Variants in PITPNC1 observed in about 807,000 individuals in gnomAD.
PITPNC1 encodes the protein cytoplasmic phosphatidylinositol transfer protein 1.
In PITPNC1, 18 loss-of-function variants were observed where a neutral mutation model predicts 44.7. That is an observed-to-expected ratio of 0.40 (90% confidence interval 0.28 to 0.60). The LOEUF (loss-of-function observed/expected upper bound fraction) is 0.60, where lower values mean the gene tolerates loss of function less well. Ranked by LOEUF, PITPNC1 falls within the 20% of genes least tolerant of loss-of-function variation. The probability of loss-of-function intolerance (pLI) is 0.39; values close to 1 mark genes in which losing one functional copy is unlikely to be tolerated. For synonymous variants in PITPNC1, 141 were observed against 149.6 expected (o/e 0.94, Z 0.42); for missense variants, 290 against 418.4 (o/e 0.69, Z 2.68).
rs1256034346 is a variant in PITPNC1, at chr17:67,442,209, A to ATATATATG, written c.48+64014_48+64015insGTATATAT. On this transcript the variant is annotated intron_variant, in intron 1 of 8. Transcript: ENST00000581322. ...CTGGATCAGGGGAAAATAAGCATAT[A>ATATATATG]TATATATATATATATATATATATAT... Among the ~76,000 whole-genome samples, 102 of 53,394 alleles carry ATATATATG rather than the reference A, an allele frequency of 1.9e-3. 1 individual carries two copies. Among genetic ancestry groups the ATATATATG allele is most frequent in the Non-Finnish European group, 2.6e-3 (75 of 29,062 alleles). 35.0% of individuals were successfully genotyped at this position (53,394 alleles called of 152,430 possible).
chr17:67,389,869 C>T (rs532243441), intron 1 of PITPNC1, among the ~76,000 whole-genome samples: 15 of 152,068 alleles, frequency 9.9e-5, no homozygotes, highest in South Asian at 6.2e-4. Context: ...TTAGTAGAGA[C>T]GGGGTTTCAC....
At chr17:67,638,202 C>T (rs148518059) in intron 6 of PITPNC1, 3 of 152,372 alleles carry the variant, frequency 2.0e-5, no homozygotes, top group East Asian at 3.9e-4. Context: ...CCTGCAGAGG[C>T]CACAGGCAGT....
chr17:67,427,363 A>T (rs2038783440), intron 1 of PITPNC1, among the ~76,000 whole-genome samples: 1 of 152,026 alleles, frequency 6.6e-6, no homozygotes. Flanking sequence ...GGCGCCCGCA[A>T]CCACGCCCGG....
intron 5 of PITPNC1, among the ~76,000 whole-genome samples, chr17:67,602,721 C>G (rs1261100647): frequency 6.6e-6 from 1 of 151,982 alleles, no homozygotes; most frequent in African/African-American, 2.4e-5. Flanking sequence ...CTACAAGTGA[C>G]CACTAACCTT....
At chr17:67,607,811 C>T (rs899243980) in intron 5 of PITPNC1, among the ~76,000 whole-genome samples, 2 of 151,612 alleles carry the variant, frequency 1.3e-5, no homozygotes, top group Non-Finnish European at 2.9e-5. Context: ...TCACTGCAAC[C>T]TCTGCCTCCC....
At chr17:67,575,764 CCTTT>C (rs112409803) in intron 4 of PITPNC1, among the ~76,000 whole-genome samples, 27 of 133,766 alleles carry the variant, frequency 2.0e-4, no homozygotes, top group African/African-American at 3.6e-4. Context: ...GAAGAATTTG[CCTTT>C]CTTTCTTTCT....
chr17:67,616,508 C>G (rs949448852), intron 5 of PITPNC1, among the ~76,000 whole-genome samples: 2 of 152,146 alleles, frequency 1.3e-5, no homozygotes, highest in African/African-American at 4.8e-5. Context: ...CAAACAGCAT[C>G]TTTTTCTCAT....
At position 67,576,575 on chromosome 17, in the gene PITPNC1, T is replaced by C. The variant is rs569622320; in HGVS notation, c.295-1611T>C. On this transcript the variant is annotated intron_variant, in intron 4 of 8. Coordinates refer to ENST00000581322, the MANE Select transcript of PITPNC1 (RefSeq NM_012417.4). ...GCTGGGTCATTTTGCCCATTAGCCG[T>C]CAATCCCATCTCTGGTGGCCAAGAA... Among the ~76,000 whole-genome samples the C allele has an allele frequency of 3.9e-5, 6 of 152,304 alleles. No individual in the cohort carries two copies. In the South Asian group the frequency reaches 1.2e-3, roughly 32 times the overall value.
chr17:67,384,080 C>G (rs1382509640), intron 1 of PITPNC1, among the ~76,000 whole-genome samples: 4 of 152,008 alleles, frequency 2.6e-5, no homozygotes, highest in Non-Finnish European at 5.9e-5. Flanking sequence ...AAAACCAGTT[C>G]TTGTTTAACA....
chr17:67,626,606 G>A (rs1335778957), intron 5 of PITPNC1, among the ~76,000 whole-genome samples: 1 of 152,082 alleles, frequency 6.6e-6, no homozygotes, highest in Non-Finnish European at 1.5e-5. Context: ...CTGACCTCAG[G>A]TGATCTGCCC....
At chr17:67,523,805 C>CT (rs758445413) in intron 1 of PITPNC1, among the ~76,000 whole-genome samples, 3 of 15,784 alleles carry the variant, frequency 1.9e-4, no homozygotes, top group African/African-American at 7.1e-4. Flanking sequence ...TACATGGAAA[C>CT]CGTTTTTTTT....
chr17:67,384,509 T>A (rs879707813), intron 1 of PITPNC1, among the ~76,000 whole-genome samples: 5 of 151,574 alleles, frequency 3.3e-5, no homozygotes, highest in Non-Finnish European at 5.9e-5. Context: ...CACTGCAAGC[T>A]CCGCCTCCCG....
At chr17:67,455,782 TTG>T (rs779244706) in intron 1 of PITPNC1, among the ~76,000 whole-genome samples, 2 of 152,072 alleles carry the variant, frequency 1.3e-5, no homozygotes, top group Non-Finnish European at 2.9e-5. Context: ...TCTTGCAAAG[TTG>T]TCTCCTAGGA....
At chr17:67,428,999 G>A (rs1382131815) in intron 1 of PITPNC1, among the ~76,000 whole-genome samples, 2 of 151,346 alleles carry the variant, frequency 1.3e-5, no homozygotes, top group African/African-American at 2.4e-5. Flanking sequence ...GTGCCACCAC[G>A]CCTGGCTAAT....
intron 2 of PITPNC1, among the ~76,000 whole-genome samples, chr17:67,543,937 G>T (rs867163722): frequency 6.6e-6 from 1 of 152,090 alleles, no homozygotes; most frequent in African/African-American, 2.4e-5. Context: ...TGCAACCTCC[G>T]CCTCCCAGGT....
Position 67,675,502 on chromosome 17 carries a change from T to G in PITPNC1, c.642T>G (p.Ile214Met). 6.2e-7 allele frequency: 1 copy of G among 1,611,202 alleles called. No individual in the cohort carries two copies. Among genetic ancestry groups the G allele is most frequent in the African/African-American group, 1.3e-5 (1 of 75,018 alleles). Residue 214 changes from isoleucine to methionine, a missense_variant, in exon 8 of 9, where the codon ATT becomes ATG. Physicochemically the swap from Ile to Met is conservative, Grantham distance 10. Transcript: ENST00000581322. The part of the protein sequence containing the change: ...VHKVVRDILL[I>M]GHRQAFAWVD... ...AGGTGGTCCGAGACATTCTGCTGAT[T>G]GGACATAGACAGGCTTTTGCATGGG...
At chr17:67,381,348 G>T (rs1468344030) in intron 1 of PITPNC1, among the ~76,000 whole-genome samples, 1 of 149,856 alleles carries the variant, frequency 6.7e-6, no homozygotes, top group East Asian at 2.0e-4. Context: ...AAAAAAAAAG[G>T]GCTGGGATTA....
intron 1 of PITPNC1, among the ~76,000 whole-genome samples, chr17:67,470,133 G>A (rs2039496432): frequency 6.6e-6 from 1 of 152,128 alleles, no homozygotes; most frequent in African/African-American, 2.4e-5. Context: ...ATGTCGGCCA[G>A]GCTGTTTTCA....
At chr17:67,549,913 A>G (rs893699966) in intron 2 of PITPNC1, among the ~76,000 whole-genome samples, 2 of 152,182 alleles carry the variant, frequency 1.3e-5, no homozygotes, top group Admixed American at 1.3e-4. Flanking sequence ...CCTGCCTGCA[A>G]CCAGAATCCA....
Sources: gnomAD v4.1 joint callset for allele counts (sites outside exome capture counted in the v4.1 genomes callset) on GRCh38, gnomAD v4.1.1 for gene constraint, MANE v1.5 for transcripts, NCBI Gene and HGNC (gene_info 2026-07-23, HGNC 2026-07-21) for gene names.